DISP1: variants seen among roughly 807,000 people sequenced by gnomAD.
DISP1 encodes dispatched RND transporter family member 1.
In DISP1, 30 loss-of-function variants were observed where a neutral mutation model predicts 37.3. That is an observed-to-expected ratio of 0.80 (90% CI 0.60 to 1.09). The LOEUF (loss-of-function observed/expected upper bound fraction) is 1.09, where lower values mean the gene tolerates loss of function less well. Among genes scored for constraint, DISP1 ranks in the 50% least tolerant of loss-of-function variants. The pLI, the probability that DISP1 is intolerant of heterozygous loss-of-function variation, is 0.00. For missense variants in DISP1, 1,598 were observed against 1,879.5 expected, an observed-to-expected ratio of 0.85 and a Z score of 2.77; for synonymous variants, 634 against 690.2, an observed-to-expected ratio of 0.92 and a Z score of 1.28.
intron 4 of DISP1, among the ~76,000 whole-genome samples, chr1:222,987,535 C>T (rs954337660): frequency 3.3e-5 from 5 of 152,134 alleles, no homozygotes; most frequent in Non-Finnish European, 7.4e-5. Flanking sequence ...AGTCAGTGCA[C>T]GTATATGGTG....
At chr1:222,895,323 T>G (rs1321545428) in intron 1 of DISP1, among the ~76,000 whole-genome samples, 2 of 152,216 alleles carry the variant, frequency 1.3e-5, no homozygotes, top group African/African-American at 2.4e-5. Flanking sequence ...TTTTTGCCAC[T>G]GTACTCTTTC....
intron 1 of DISP1, among the ~76,000 whole-genome samples, chr1:222,847,727 G>T (rs541443732): frequency 2.0e-5 from 3 of 152,138 alleles, no homozygotes; most frequent in African/African-American, 7.2e-5. Context: ...CAATAGCCAT[G>T]TGCAACCCAG....
intron 1 of DISP1, among the ~76,000 whole-genome samples, chr1:222,880,091 T>C (rs1670194398): frequency 6.6e-6 from 1 of 152,068 alleles, no homozygotes; most frequent in Non-Finnish European, 1.5e-5. Context: ...GCAATCAAAA[T>C]GTTTAATCGT....
Position 222,951,377 on chromosome 1 carries a change from A to G in DISP1, c.509+8045A>G, listed in dbSNP as rs1440407269. On this transcript the variant is annotated intron_variant, in intron 3 of 8. Transcript: ENST00000675850. ...GGCCTCTTTTAAAACAAAAAAAAAA[A>G]AGTAAGAAATGAGAATTCTCATGTT... Among the ~76,000 whole-genome samples the G allele has an allele frequency of 6.5e-5, 6 of 92,796 alleles. No individual in the cohort carries two copies. The East Asian group carries it at 2.1e-3, about 32-fold the overall frequency. The allele number at this position is 92,796 out of a possible 152,430, so 60.9% of individuals were successfully genotyped here.
intron 3 of DISP1, among the ~76,000 whole-genome samples, chr1:222,982,017 A>G (rs1039471545): frequency 2.6e-5 from 4 of 152,240 alleles, no homozygotes; most frequent in Non-Finnish European, 4.4e-5. Context: ...CAAATATTAA[A>G]TTATGAAACT....
chr1:222,837,619 T>G (rs1295322729), intron 1 of DISP1, among the ~76,000 whole-genome samples: 1 of 152,154 alleles, frequency 6.6e-6, no homozygotes, highest in Non-Finnish European at 1.5e-5. Flanking sequence ...TCAGTGGATT[T>G]AAGAAAAATA....
chr1:222,896,865 C>T (rs913865535), intron 1 of DISP1, among the ~76,000 whole-genome samples: 1 of 152,016 alleles, frequency 6.6e-6, no homozygotes, highest in African/African-American at 2.4e-5. Context: ...TTTATAACTG[C>T]CAGAATGGCT....
At chr1:222,863,626 T>G (rs936944485) in intron 1 of DISP1, among the ~76,000 whole-genome samples, 3 of 152,146 alleles carry the variant, frequency 2.0e-5, no homozygotes. Context: ...AATTTTAGCA[T>G]CTGTCATTCG....
chr1:222,864,059 C>T (rs1669035898), intron 1 of DISP1, among the ~76,000 whole-genome samples: 1 of 152,134 alleles, frequency 6.6e-6, no homozygotes, highest in Admixed American at 6.6e-5. Flanking sequence ...TCTCAGATCT[C>T]TCAGGAACCA....
rs756008378 is a variant in DISP1, at chr1:223,003,656, G to T, written c.2259G>T (p.Gln753His). Residue 753 changes from glutamine (Q) to histidine (H), a missense_variant, in exon 9 of 9, where the codon CAG (glutamine) becomes CAT (histidine). Transcript: ENST00000675850. The surrounding 1 kb of genome is among the most constrained non-coding windows in gnomAD (Gnocchi z 4.3). Reference sequence around the variant, plus strand: ...CCTCACTGGAGTTATCCGAGTTCCAGGTGTTCCGGTCGTCCCATCCTTTTG... The same window carrying T: ...CCTCACTGGAGTTATCCGAGTTCCATGTGTTCCGGTCGTCCCATCCTTTTG... The part of the protein sequence containing the change: ...KLPSLELSEF[Q>H]VFRSSHPFER... 2.5e-6 allele frequency: 4 copies of T among 1,614,148 alleles called. No individual in the cohort carries two copies.
At chr1:222,904,445 A>T (rs544776457) in intron 1 of DISP1, among the ~76,000 whole-genome samples, 1 of 152,238 alleles carries the variant, frequency 6.6e-6, no homozygotes, top group South Asian at 2.1e-4. Flanking sequence ...ATTAGTATTC[A>T]TGATGTTAAA....
intron 3 of DISP1, among the ~76,000 whole-genome samples, chr1:222,978,702 G>A (rs1228263701): frequency 1.3e-5 from 2 of 152,142 alleles, no homozygotes; most frequent in East Asian, 1.9e-4. Context: ...TTTGTATAAG[G>A]TGTAAGGAAG....
intron 2 of DISP1, among the ~76,000 whole-genome samples, chr1:222,931,784 T>G (rs1421103279): frequency 6.6e-6 from 1 of 151,652 alleles, no homozygotes; most frequent in East Asian, 1.9e-4. Context: ...ACATTGAGGA[T>G]GAACTTTTTC....
chr1:222,906,401 T>TA (rs1219989759), intron 1 of DISP1, among the ~76,000 whole-genome samples: 1 of 152,164 alleles, frequency 6.6e-6, no homozygotes, highest in Non-Finnish European at 1.5e-5. Context: ...AACTCCATCT[T>TA]AAATAGGGGC....
At position 222,942,918 on chromosome 1, in the gene DISP1, A is replaced by G. The variant is rs1267517015; in HGVS notation, c.95A>G (p.Asp32Gly). ...AACCCGAGTCCCCTCACCCCCTGTG[A>G]TGGAGACCATGCAGCCCAGCAGCTC... ...AANPSPLTPC[D>G]GDHAAQQLTP... The change falls in exon 3 of 9, where the codon GAT (aspartate) becomes GGT (glycine). Residue 32 changes from aspartate (D) to glycine (G), a missense_variant. Coordinates refer to ENST00000675850, the MANE Select transcript of DISP1 (RefSeq NM_001377229.1). 1 of 1,614,146 alleles carries G rather than the reference A, an allele frequency of 6.2e-7. No homozygotes were observed. The highest frequency in any genetic ancestry group is 8.5e-7 in the Non-Finnish European group (1 of 1,180,012).
intron 1 of DISP1, among the ~76,000 whole-genome samples, chr1:222,847,976 C>G (rs1318305818): frequency 6.7e-6 from 1 of 148,176 alleles, no homozygotes; most frequent in African/African-American, 2.5e-5. Flanking sequence ...CTTTTTTTTT[C>G]TTGGTTTCTG....
rs577688271 is a variant in DISP1, at chr1:222,823,420, G to T, written c.-159+8342G>T. Among the ~76,000 whole-genome samples the T allele has an allele frequency of 2.0e-5, 3 of 152,274 alleles. No individual in the cohort carries two copies. The South Asian group carries it at 6.2e-4, about 32-fold the overall frequency. ...GGAACTGGAGGGCATTATCTTAAGAGAAATAACTTAGAAAGTCAAATACTA... is the reference window on the plus strand; with the variant it reads ...GGAACTGGAGGGCATTATCTTAAGATAAATAACTTAGAAAGTCAAATACTA... On this transcript the variant is annotated intron_variant, in intron 1 of 8. Transcript: ENST00000675850.
In DISP1 at chr1:222,994,986, T is replaced by A; in HGVS notation, c.987+4T>A. 6.2e-7 allele frequency: 1 copy of A among 1,607,024 alleles called. No homozygotes were observed. The highest frequency in any genetic ancestry group is 1.1e-5 in the South Asian group (1 of 90,962). On this transcript the variant is annotated splice_donor_region_variant and intron_variant, in intron 8 of 8. Transcript: ENST00000675850. ...GTGCAATGTAGATAATTCCAGGGTA[T>A]GTAAGATAAAAACTAAAATCTCCTT...
intron 1 of DISP1, among the ~76,000 whole-genome samples, chr1:222,868,157 A>G (rs1373434581): frequency 1.3e-5 from 2 of 152,056 alleles, no homozygotes; most frequent in Non-Finnish European, 2.9e-5. Flanking sequence ...CTGAGGCAGG[A>G]GAATTGTTTG....
Sources: gnomAD v4.1 joint callset for allele counts (sites outside exome capture counted in the v4.1 genomes callset) on GRCh38, gnomAD v4.1.1 for gene constraint, Gnocchi (gnomAD v3.1) non-coding constraint, MANE v1.5 for transcripts, NCBI Gene and HGNC (gene_info 2026-07-23, HGNC 2026-07-21) for gene names.